SQLE: variants seen among roughly 807,000 people sequenced by gnomAD.
SQLE encodes the protein squalene epoxidase.
A neutral mutation model predicts 60.7 loss-of-function variants in SQLE; 29 were observed. That is an observed-to-expected ratio of 0.48 (90% CI 0.36 to 0.65). The LOEUF is 0.65. SQLE is among the 30% of genes least tolerant of loss of function. The pLI is 0.00. For synonymous variants in SQLE, 237 were observed against 246.8 expected, an observed-to-expected ratio of 0.96 and a Z score of 0.37; for missense variants, 605 against 684.1, an observed-to-expected ratio of 0.88 and a Z score of 1.29.
intron 6 of SQLE, among the ~76,000 whole-genome samples, chr8:125,010,205 C>T (rs925419973): frequency 4.6e-5 from 7 of 152,080 alleles, no homozygotes; most frequent in African/African-American, 1.2e-4. Context: ...ATGTCCTGTC[C>T]GCAGAATGTG....
chr8:124,998,673 TG>T lies in SQLE; in HGVS notation c.-727del. 1 of 655,464 alleles carries T rather than the reference TG, an allele frequency of 1.5e-6. No homozygotes were observed. Among genetic ancestry groups the T allele is most frequent in the Non-Finnish European group, 2.8e-6 (1 of 360,778 alleles). 40.6% of individuals were successfully genotyped at this position (655,464 alleles called of 1,614,324 possible). A position where few individuals can be genotyped will look rare whatever the true frequency, so the allele number is the denominator to read the frequency against. ...TACCCTGGAAACCACCTTTTATCGG[TG>T]GGGAAGTGCAGTCGCGGTGGGCGGC... On this transcript the variant is annotated 5_prime_UTR_variant, in exon 1 of 11. Coordinates refer to ENST00000265896, the MANE Select transcript of SQLE (RefSeq NM_003129.4).
chr8:125,021,625 C>G, intron 10 of SQLE, 128 bp from the exon 11 acceptor site: 1 of 633,040 alleles, frequency 1.6e-6, no homozygotes, highest in South Asian at 2.9e-5. Context: ...ATGTTTCATA[C>G]AGAATTATGA....
chr8:125,007,360 C>T (rs1814968843), intron 3 of SQLE, 31 bp from the exon 4 acceptor site: 2 of 1,464,314 alleles, frequency 1.4e-6, no homozygotes, highest in African/African-American at 1.4e-5. Context: ...AAATGTGCTG[C>T]TTTAGAAATG....
rs745324655 is a variant in SQLE, at chr8:125,003,037, G to A, written c.292-139G>A. 527 of 670,420 alleles carry A rather than the reference G, an allele frequency of 7.9e-4. 1 individual carries two copies. The highest frequency in any genetic ancestry group is 3.1e-3 in the Admixed American group (81 of 26,312). The allele number at this position is 670,420 out of a possible 1,614,324, so 41.5% of individuals were successfully genotyped here. A position where few individuals can be genotyped will look rare whatever the true frequency, so the allele number is the denominator to read the frequency against. The stretch of plus-strand genomic sequence containing the variant: ...TTATATATTATCTAGATTTTAAAAT[G>A]TAACAATTTGTTTGGTTTGATAATA... On this transcript the variant is annotated intron_variant, in intron 1 of 10. Coordinates refer to ENST00000265896, the MANE Select transcript of SQLE (RefSeq NM_003129.4).
intron 2 of SQLE, among the ~76,000 whole-genome samples, chr8:125,003,956 T>TC (rs1288260518): frequency 6.6e-6 from 1 of 152,070 alleles, no homozygotes; most frequent in Non-Finnish European, 1.5e-5. Context: ...TGTCTTTTTT[T>TC]CCAAGGGCAC....
rs931371552 is a variant in SQLE at position 124,999,280 on chromosome 8, CTG to C, written c.-122_-121del. On this transcript the variant is annotated 5_prime_UTR_variant, in exon 1 of 11. An upstream open reading frame in the 5' UTR loses its in-frame stop. Coordinates refer to ENST00000265896, the MANE Select transcript of SQLE (RefSeq NM_003129.4). ...TGATCGGACTTCTCGTCCTGGGACA[CTG>C]TTTACTGGAGTCTGGCCGGCTCTCC... 4.4e-6 allele frequency: 4 copies of C among 903,564 alleles called. No homozygotes were observed. Among genetic ancestry groups the C allele is most frequent in the Non-Finnish European group, 6.0e-6 (4 of 666,106 alleles). 56.0% of individuals were successfully genotyped at this position (903,564 alleles called of 1,614,324 possible). A position where few individuals can be genotyped will look rare whatever the true frequency, so the allele number is the denominator to read the frequency against.
intron 7 of SQLE, among the ~76,000 whole-genome samples, chr8:125,012,529 G>C (rs754791176): frequency 1.1e-4 from 16 of 152,200 alleles, no homozygotes; most frequent in Non-Finnish European, 2.1e-4. Context: ...CTTTGGAACT[G>C]GCTTTTCATT....
chr8:125,001,749 A>C (rs1814858818), intron 1 of SQLE, among the ~76,000 whole-genome samples: 1 of 151,478 alleles, frequency 6.6e-6, no homozygotes, highest in Non-Finnish European at 1.5e-5. Flanking sequence ...TATTAGAATC[A>C]CAGAGTAAAG....
In SQLE at chr8:125,018,739, C is replaced by T. The variant is rs753384281; in HGVS notation, c.1444+12C>T. 1.3e-6 allele frequency: 2 copies of T among 1,540,526 alleles called. No individual in the cohort carries two copies. The highest frequency in any genetic ancestry group is 8.8e-7 in the Non-Finnish European group (1 of 1,131,108). ...TTCTGCCACAGATGGTAAGTGTAGACACTTTTTAGTGAATATTACTCAATT... is the reference window on the plus strand; with the variant it reads ...TTCTGCCACAGATGGTAAGTGTAGATACTTTTTAGTGAATATTACTCAATT... On this transcript the variant is annotated intron_variant, in intron 9 of 10. Transcript: ENST00000265896.
rs1379885516 is a variant in SQLE, at chr8:125,016,514, T to C, written c.1205-1545T>C. 6.6e-6 allele frequency among the ~76,000 whole-genome samples: 1 copy of C among 152,154 alleles called. No individual in the cohort carries two copies. Among genetic ancestry groups the C allele is most frequent in the African/African-American group, 2.4e-5 (1 of 41,438 alleles). ...AGCATTCTGAGTTCCTTCTCTGTGT[T>C]GTCTTGAATTTTGTTGAGCTTCTCC... On this transcript the variant is annotated intron_variant, in intron 7 of 10. Transcript: ENST00000265896. This position sits in a 1 kb window ranked among gnomAD's most constrained non-coding sequence, Gnocchi z 4.1.
Position 125,003,391 on chromosome 8 carries a change from G to A in SQLE, c.507G>A (p.Pro169=), listed in dbSNP as rs749736980. Residue 169 remains proline, a synonymous_variant, in exon 2 of 11, where the codon CCG becomes CCA. Coordinates refer to ENST00000265896, the MANE Select transcript of SQLE (RefSeq NM_003129.4). ...GAATAGTTGGAGAATTCCTGCAGCC[G>A]GGTGGTTATCATGTTCTCAAAGACC... is the stretch of plus-strand genomic sequence containing the variant. The part of the protein sequence containing the change: ...PDRIVGEFLQ[P]GGYHVLKDLG... 1.7e-5 allele frequency: 28 copies of A among 1,613,828 alleles called. No homozygotes were observed. Among genetic ancestry groups the A allele is most frequent in the Middle Eastern group, 3.3e-4 (2 of 6,084 alleles).
intron 9 of SQLE, 55 bp from the exon 10 acceptor site, chr8:125,020,726 CATT>C (rs1242309846): frequency 3.8e-6 from 4 of 1,062,192 alleles, no homozygotes; most frequent in Non-Finnish European, 5.7e-6. Context: ...TCTGATATAT[CATT>C]AGCATCCTAC....
At chr8:125,002,174 C>T (rs1204521876) in intron 1 of SQLE, among the ~76,000 whole-genome samples, 1 of 152,084 alleles carries the variant, frequency 6.6e-6, no homozygotes, top group Non-Finnish European at 1.5e-5. Flanking sequence ...TAAATATGTG[C>T]TTATATGTTA....
Position 125,009,069 on chromosome 8 carries a change from TG to T in SQLE, c.923del (p.Gly308AlafsTer4). 1 of 1,596,102 alleles carries T rather than the reference TG, an allele frequency of 6.3e-7. No individual in the cohort carries two copies. The highest frequency in any genetic ancestry group is 2.2e-5 in the East Asian group (1 of 44,704). On this transcript the variant is annotated frameshift_variant, in exon 5 of 11. Coordinates refer to ENST00000265896, the MANE Select transcript of SQLE (RefSeq NM_003129.4). LOFTEE classifies it high-confidence loss of function. The part of the protein sequence containing the change: ...NKVSVSSHFV[G>X]FLMKNAPQFK... ...AAGTTTCTGTATCATCTCATTTTGT[TG>T]GCTTTCTTATGAAGGTACTGTAGGA...
At chr8:124,999,967 C>A in intron 1 of SQLE, 1 of 615,156 alleles carries the variant, frequency 1.6e-6, no homozygotes, top group Non-Finnish European at 3.0e-6. Flanking sequence ...GTTAGAATTT[C>A]ATTTTGAAGG....
intron 7 of SQLE, among the ~76,000 whole-genome samples, chr8:125,014,247 G>A (rs956339837): frequency 6.6e-6 from 1 of 152,278 alleles, no homozygotes; most frequent in Admixed American, 6.5e-5. Context: ...TAAATTCCAG[G>A]TTTCTGGCTT....
intron 8 of SQLE, 146 bp downstream of exon 8, chr8:125,018,347 C>A: frequency 1.2e-6 from 1 of 836,508 alleles, no homozygotes; most frequent in Non-Finnish European, 1.8e-6. Context: ...CTTAAAGAAC[C>A]TGACTTGCAA....
At position 125,004,230 on chromosome 8, in the gene SQLE, G is replaced by A. The variant is rs375762649; in HGVS notation, c.544+802G>A. 2.7e-4 allele frequency among the ~76,000 whole-genome samples: 41 copies of A among 152,100 alleles called. No homozygotes were observed. In the South Asian group the frequency reaches 7.9e-3, roughly 29 times the overall value. On this transcript the variant is annotated intron_variant, in intron 2 of 10. Coordinates refer to ENST00000265896, the MANE Select transcript of SQLE (RefSeq NM_003129.4). ...GCCCAAGCATAGTTGTTTTTCAGTTGACTTCATAATGTACTTCACTTTTCA... is the reference window on the plus strand; with the variant it reads ...GCCCAAGCATAGTTGTTTTTCAGTTAACTTCATAATGTACTTCACTTTTCA...
Position 125,009,243 on chromosome 8 carries a change from G to C in SQLE, c.1008G>C (p.Gln336His), listed in dbSNP as rs1371496840. ...ACCCGAGTCCAGTTCTCATCTACCA[G>C]ATTTCATCCAGTGAAACTCGAGTAC... The part of the protein sequence containing the change: ...LANPSPVLIY[Q>H]ISSSETRVLV... The change falls in exon 6 of 11, where the codon CAG becomes CAC. Residue 336 changes from glutamine to histidine, a missense_variant. Transcript: ENST00000265896. 1 of 1,613,912 alleles carries C rather than the reference G, an allele frequency of 6.2e-7. No homozygotes were observed. Among genetic ancestry groups the C allele is most frequent in the Non-Finnish European group, 8.5e-7 (1 of 1,179,890 alleles).
Sources: allele counts gnomAD v4.1 joint callset (sites outside exome capture counted in the v4.1 genomes callset), GRCh38; gene constraint gnomAD v4.1.1; non-coding constraint Gnocchi (gnomAD v3.1); transcripts MANE v1.5; gene names NCBI Gene and HGNC (gene_info 2026-07-23, HGNC 2026-07-21).